The following CCDC125 variants were observed in gnomAD, a reference collection of about 807,000 sequenced individuals.
CCDC125 encodes the protein coiled-coil domain containing 125.
In CCDC125, 43 loss-of-function variants were observed where a neutral mutation model predicts 57.4. The observed-to-expected ratio is 0.75, with a 90% confidence interval of 0.59 to 0.97. The LOEUF is 0.97. CCDC125 is among the 50% of genes least tolerant of loss of function. The probability of loss-of-function intolerance (pLI) is 0.00; values close to 1 mark genes in which losing one functional copy is unlikely to be tolerated. For missense variants in CCDC125, 563 were observed against 595.7 expected (o/e 0.95, Z 0.57); for synonymous variants, 187 against 195.2 (o/e 0.96, Z 0.35).
chr5:69,331,258 C>T (rs1363426354), intron 1 of CCDC125, among the ~76,000 whole-genome samples: 2 of 151,938 alleles, frequency 1.3e-5, no homozygotes, highest in African/African-American at 4.8e-5. Context: ...GCTGAGACAG[C>T]ACTATTGTCT....
At chr5:69,329,848 C>T (rs769230734) in intron 1 of CCDC125, among the ~76,000 whole-genome samples, 1 of 152,058 alleles carries the variant, frequency 6.6e-6, no homozygotes, top group Non-Finnish European at 1.5e-5. Context: ...GTGACTTGCC[C>T]CAAATACAAT....
At position 69,320,286 on chromosome 5, in the gene CCDC125, T is replaced by A. The variant is rs1304795506; in HGVS notation, c.255A>T (p.Thr85=). ...TGGAAATTCTGGACACTTGAGGGAA[T>A]GTATCTTGCTGGCTCTTATGCTTGG... The part of the protein sequence containing the change: ...QYSKHKSQQD[T]FPQVSRISNY... The change falls in exon 2 of 12, where the codon ACA becomes ACT. Residue 85 remains threonine, a synonymous_variant. Transcript: ENST00000396496. 1 of 1,614,174 alleles carries A rather than the reference T, an allele frequency of 6.2e-7. No individual in the cohort carries two copies. Among genetic ancestry groups the A allele is most frequent in the East Asian group, 2.2e-5 (1 of 44,880 alleles).
At chr5:69,308,555 C>G in intron 4 of CCDC125, 2 of 192,672 alleles carry the variant, frequency 1.0e-5, no homozygotes, top group South Asian at 2.1e-4. Flanking sequence ...CACCATGATT[C>G]TGAGACCTCC....
intron 3 of CCDC125, chr5:69,313,742 T>C: frequency 1.3e-6 from 1 of 778,590 alleles, no homozygotes. Flanking sequence ...GATGTTCTTC[T>C]TGTCTTCACT....
intron 9 of CCDC125, chr5:69,293,902 T>C (rs1303194863): frequency 6.6e-6 from 1 of 152,258 alleles, no homozygotes; most frequent in African/African-American, 2.4e-5. Flanking sequence ...TCATTTGAAT[T>C]AATGTCTGGC....
At chr5:69,278,703 C>CTTTTTTTTT (rs34258569), downstream of CCDC125, among the ~76,000 whole-genome samples, 4 of 108,128 alleles carry the variant, frequency 3.7e-5, 1 homozygote, top group Non-Finnish European at 7.0e-5. Context: ...TCTCTCTCTC[C>CTTTTTTTTT]TTTTTTTTTT....
At chr5:69,327,333 A>C (rs1561191950) in intron 1 of CCDC125, among the ~76,000 whole-genome samples, 1 of 152,054 alleles carries the variant, frequency 6.6e-6, no homozygotes, top group African/African-American at 2.4e-5. Context: ...TGACCTCATG[A>C]TCTGCCTGCC....
intron 9 of CCDC125, chr5:69,294,147 A>G (rs895747606): frequency 1.5e-4 from 152 of 983,818 alleles, no homozygotes; most frequent in Non-Finnish European, 1.8e-4. Flanking sequence ...TCCATTAATC[A>G]GTGTTGCTGA....
Position 69,282,792 on chromosome 5 carries a change from T to C in CCDC125, c.1473A>G (p.Gln491=). The C allele has an allele frequency of 6.2e-7, 1 of 1,613,922 alleles. No individual in the cohort carries two copies. The highest frequency in any genetic ancestry group is 8.5e-7 in the Non-Finnish European group (1 of 1,179,972). ...TAAGAGTTCTATAGTTTGGATCTATTTGAGAGTGCTGGATTGAACAAATGC... is the reference window on the plus strand; with the variant it reads ...TAAGAGTTCTATAGTTTGGATCTATCTGAGAGTGCTGGATTGAACAAATGC... ...VGCICSIQHS[Q]IDPNYRTLKR... Residue 491 remains glutamine (Q), a synonymous_variant, in exon 12 of 12, where the codon CAA becomes CAG. Transcript: ENST00000396496.
chr5:69,303,976 G>C (rs766356954), intron 6 of CCDC125, 47 bp from the exon 7 acceptor site: 1 of 1,046,256 alleles, frequency 9.6e-7, no homozygotes, highest in Non-Finnish European at 1.4e-6. Flanking sequence ...ATATTTCCTT[G>C]CTGAGCGAGA....
At chr5:69,279,653 G>T (rs944959911), downstream of CCDC125, among the ~76,000 whole-genome samples, 2 of 152,018 alleles carry the variant, frequency 1.3e-5, no homozygotes, top group African/African-American at 2.4e-5. Context: ...AAACCCACTC[G>T]TGCTTCAAAT....
chr5:69,279,917 G>A (rs1286432559), downstream of CCDC125, among the ~76,000 whole-genome samples: 1 of 152,180 alleles, frequency 6.6e-6, no homozygotes, highest in African/African-American at 2.4e-5. Context: ...CAGGCCTCAG[G>A]AAACTTACAA....
downstream of CCDC125, among the ~76,000 whole-genome samples, chr5:69,279,497 C>T (rs1007326066): frequency 2.6e-5 from 4 of 152,114 alleles, no homozygotes; most frequent in African/African-American, 9.7e-5. Flanking sequence ...TGCCCGGCCG[C>T]TCATGCAGTT....
chr5:69,285,301 TA>T (rs1561399363), intron 11 of CCDC125, 35 bp downstream of exon 11: 1 of 1,605,746 alleles, frequency 6.2e-7, no homozygotes. Context: ...AAGCTTGGCT[TA>T]ACCATAACCT....
At chr5:69,305,922 AT>A (rs1757260774) in intron 6 of CCDC125, among the ~76,000 whole-genome samples, 1 of 152,120 alleles carries the variant, frequency 6.6e-6, no homozygotes, top group African/African-American at 2.4e-5. Flanking sequence ...CCACGATAGG[AT>A]TGTGTGAGCC....
chr5:69,300,463 T>G (rs186330896), intron 7 of CCDC125, among the ~76,000 whole-genome samples: 37 of 152,326 alleles, frequency 2.4e-4, no homozygotes, highest in African/African-American at 8.9e-4. Context: ...GTGAGAAAAC[T>G]GGATGGTGAG....
intron 1 of CCDC125, among the ~76,000 whole-genome samples, chr5:69,326,072 C>A (rs1036288810): frequency 6.6e-6 from 1 of 152,038 alleles, no homozygotes. Flanking sequence ...TTTGACCTCA[C>A]GGGATCCTTC....
At chr5:69,313,681 T>C in intron 3 of CCDC125, 1 of 757,696 alleles carries the variant, frequency 1.3e-6, no homozygotes, top group South Asian at 1.4e-5. Context: ...GGGTTGTCGA[T>C]GGTCTGGTCC....
At chr5:69,277,236 TA>T, downstream of CCDC125, 1 of 756,720 alleles carries the variant, frequency 1.3e-6, no homozygotes, top group East Asian at 2.7e-5. Flanking sequence ...AGTGAGTTTG[TA>T]AATATTCTAC....
Sources: gnomAD v4.1 joint callset for allele counts (sites outside exome capture counted in the v4.1 genomes callset) on GRCh38, gnomAD v4.1.1 for gene constraint, MANE v1.5 for transcripts, NCBI Gene and HGNC (gene_info 2026-07-23, HGNC 2026-07-21) for gene names.